The following HSP90AA1 variants were observed in gnomAD, a reference collection of about 807,000 sequenced individuals.
HSP90AA1 encodes heat shock protein HSP 90-alpha.
In HSP90AA1, 18 loss-of-function variants were observed where a neutral mutation model predicts 73.3. The observed-to-expected ratio is 0.25, with a 90% CI of 0.17 to 0.36. HSP90AA1 has a LOEUF of 0.36. HSP90AA1 is among the 10% of genes least tolerant of loss of function. The pLI is 1.00. For missense variants in HSP90AA1, 704 were observed against 874.2 expected, an observed-to-expected ratio of 0.81 and a Z score of 2.45; for synonymous variants, 477 against 296.9, an observed-to-expected ratio of 1.61 and a Z score of -6.24.
chr14:102,086,403 A>G, intron 1 of HSP90AA1, 25 bp from the exon 2 acceptor site: 2 of 1,614,126 alleles, frequency 1.2e-6, no homozygotes, highest in Non-Finnish European at 1.7e-6. Context: ...CGCCGGTTTA[A>G]AACCTTGCAG....
chr14:102,086,653 C>T (rs1046835692), intron 1 of HSP90AA1, among the ~76,000 whole-genome samples: 1 of 151,042 alleles, frequency 6.6e-6, no homozygotes, highest in Middle Eastern at 3.2e-3. Context: ...CCCGCGCGGG[C>T]TGCGGCTCCG....
chr14:102,091,313 T>C (rs547592184), upstream of HSP90AA1, among the ~76,000 whole-genome samples: 1 of 152,214 alleles, frequency 6.6e-6, no homozygotes, highest in Admixed American at 6.5e-5. Context: ...TGGCTCATGA[T>C]TTTTGTTTTA....
intron 1 of HSP90AA1, 60 bp from the exon 2 acceptor site, chr14:102,086,438 T>G (rs3736807): frequency 0.81 from 1,285,108 of 1,579,192 alleles, 532,282 homozygotes; most frequent in South Asian, 0.85. Context: ...CAACACGAAA[T>G]TCCATCGCGT....
intron 1 of HSP90AA1, among the ~76,000 whole-genome samples, chr14:102,126,857 G>GT (rs1296237137): frequency 2.6e-5 from 4 of 152,046 alleles, no homozygotes; most frequent in Non-Finnish European, 5.9e-5. Flanking sequence ...CATAAACTGT[G>GT]TTTTTGTTTT....
rs2152610351 is a variant in HSP90AA1 at position 102,083,173 on chromosome 14, T to C, written c.1616A>G (p.Lys539Arg). 4 of 1,614,046 alleles carry C rather than the reference T, an allele frequency of 2.5e-6. No individual in the cohort carries two copies. The East Asian group carries it at 8.9e-5, about 36-fold the overall frequency. The change falls in exon 9 of 11, where the codon AAG becomes AGG. Residue 539 changes from lysine to arginine, a missense_variant. Physicochemically the swap from Lys to Arg is conservative, Grantham distance 26. Transcript: ENST00000216281. ...CVQQLKEFEGKTLVSVTKEGL... is the reference protein window; with the variant it reads ...CVQQLKEFEGRTLVSVTKEGL... ...TTCTTTGGTGACTGACACTAAAGTC[T>C]TCCCCTCAAATTCCTTCAGCTGTTG... is the stretch of plus-strand genomic sequence containing the variant.
intron 1 of HSP90AA1, among the ~76,000 whole-genome samples, chr14:102,111,940 C>G (rs2049647496): frequency 6.6e-6 from 1 of 152,186 alleles, no homozygotes; most frequent in African/African-American, 2.4e-5. Flanking sequence ...GACATTTCTT[C>G]TCTCTGGAAG....
chr14:102,100,925 C>T (rs1366557367), intron 2 of HSP90AA1, among the ~76,000 whole-genome samples: 2 of 152,154 alleles, frequency 1.3e-5, no homozygotes, highest in Admixed American at 6.5e-5. Flanking sequence ...TCTGACATGG[C>T]GGGACGGGCT....
At chr14:102,083,397 A>C in intron 8 of HSP90AA1, 95 bp from the exon 9 acceptor site, 1 of 1,469,810 alleles carries the variant, frequency 6.8e-7, no homozygotes, top group Non-Finnish European at 9.5e-7. Flanking sequence ...CCTAGGCAGA[A>C]CCTAAGACAG....
intron 1 of HSP90AA1, among the ~76,000 whole-genome samples, chr14:102,129,886 G>A (rs867196636): frequency 1.3e-5 from 2 of 152,080 alleles, no homozygotes; most frequent in African/African-American, 4.8e-5. Context: ...TAGTTGATGG[G>A]CATTTGGTTT....
In HSP90AA1 at chr14:102,083,778, G is replaced by C. The variant is rs557394120; in HGVS notation, c.1338+15C>G. 1 of 1,601,536 alleles carries C rather than the reference G, an allele frequency of 6.2e-7. No individual in the cohort carries two copies. The highest frequency in any genetic ancestry group is 1.1e-5 in the South Asian group (1 of 89,540). ...AAAGAGGCCAATTGGAAAACTAATG[G>C]TTATTTACACCAACCTTTATGTTTT... is the stretch of plus-strand genomic sequence containing the variant. On this transcript the variant is annotated intron_variant, in intron 7 of 10. Transcript: ENST00000216281.
At chr14:102,114,381 G>C (rs1213846506) in intron 1 of HSP90AA1, among the ~76,000 whole-genome samples, 3 of 152,202 alleles carry the variant, frequency 2.0e-5, no homozygotes. Context: ...TTATGACTAA[G>C]AGTAGAGGAC....
chr14:102,109,926 G>T (rs1442105245), intron 1 of HSP90AA1, among the ~76,000 whole-genome samples: 1 of 152,070 alleles, frequency 6.6e-6, no homozygotes, highest in Non-Finnish European at 1.5e-5. Flanking sequence ...CTGGAGCAAA[G>T]GTGACTCGTT....
At chr14:102,091,519 G>A (rs1448454026), upstream of HSP90AA1, among the ~76,000 whole-genome samples, 4 of 152,016 alleles carry the variant, frequency 2.6e-5, no homozygotes, top group Non-Finnish European at 5.9e-5. Flanking sequence ...CCAGCTACTC[G>A]GGAGGCTGAG....
chr14:102,110,090 C>T (rs998111590), intron 1 of HSP90AA1, among the ~76,000 whole-genome samples: 12 of 151,856 alleles, frequency 7.9e-5, no homozygotes, highest in South Asian at 2.1e-4. Context: ...CCTGCCACCA[C>T]GCCTGGCTAA....
At position 102,085,968 on chromosome 14, in the gene HSP90AA1, G is replaced by C. The variant is rs764975263; in HGVS notation, c.319C>G (p.Leu107Val). The change falls in exon 3 of 11, where the codon CTT becomes GTT. Residue 107 changes from leucine (L) to valine (V), a missense_variant. Leu to Val is a conservative substitution (Grantham distance 32). Transcript: ENST00000216281. ...GMTKADLINN[L>V]GTIAKSGTKA... ...GTCCCAGACTTGGCGATAGTACCAA[G>C]GTTATTGATCAAGTCAGCCTTGGTC... is the stretch of plus-strand genomic sequence containing the variant. 1 of 1,613,914 alleles carries C rather than the reference G, an allele frequency of 6.2e-7. No individual in the cohort carries two copies. Among genetic ancestry groups the C allele is most frequent in the South Asian group, 1.1e-5 (1 of 91,074 alleles).
chr14:102,089,528 C>G (rs1490326455), upstream of HSP90AA1, among the ~76,000 whole-genome samples: 3 of 152,354 alleles, frequency 2.0e-5, no homozygotes, highest in South Asian at 2.1e-4. Context: ...TCTCTCTTCT[C>G]AGACTCATGC....
At chr14:102,113,220 C>T (rs1174315581) in intron 1 of HSP90AA1, among the ~76,000 whole-genome samples, 2 of 152,010 alleles carry the variant, frequency 1.3e-5, no homozygotes, top group African/African-American at 4.8e-5. Flanking sequence ...GACACGGTTT[C>T]ACCATGTTGG....
chr14:102,129,168 ACT>A (rs1169698286), intron 1 of HSP90AA1, among the ~76,000 whole-genome samples: 4 of 123,360 alleles, frequency 3.2e-5, no homozygotes, highest in African/African-American at 9.7e-5. Context: ...ACGGAGTCTC[ACT>A]CTGTCGCCCA....
At chr14:102,103,585 C>T (rs576536712) in intron 1 of HSP90AA1, among the ~76,000 whole-genome samples, 3 of 151,824 alleles carry the variant, frequency 2.0e-5, no homozygotes, top group Non-Finnish European at 4.4e-5. Context: ...GGGTGGATCA[C>T]CTGAGGTCAG....
Sources: gnomAD v4.1 joint callset for allele counts (sites outside exome capture counted in the v4.1 genomes callset) on GRCh38, gnomAD v4.1.1 for gene constraint, MANE v1.5 for transcripts, NCBI Gene and HGNC (gene_info 2026-07-23, HGNC 2026-07-21) for gene names.